AGTPBP1: variants seen among roughly 807,000 people sequenced by gnomAD.
The protein encoded by AGTPBP1 is cytosolic carboxypeptidase 1.
A neutral mutation model predicts 143.9 loss-of-function variants in AGTPBP1; 70 were observed. The observed-to-expected ratio is 0.49, with a 90% confidence interval of 0.40 to 0.59. The LOEUF is 0.59. Ranked by LOEUF, AGTPBP1 falls within the 20% of genes least tolerant of loss-of-function variation. The pLI, the probability that AGTPBP1 is intolerant of heterozygous loss-of-function variation, is 0.00. For synonymous variants in AGTPBP1, 463 were observed against 500.2 expected (o/e 0.93, Z 0.99); for missense variants, 1,229 against 1,464.5 (o/e 0.84, Z 2.62).
In AGTPBP1 at chr9:85,595,359, A is replaced by C. The variant is rs145114279; in HGVS notation, c.2423+1003T>G. Among the ~76,000 whole-genome samples, 313 of 152,346 alleles carry C rather than the reference A, an allele frequency of 2.1e-3. 1 individual carries two copies. The highest frequency in any genetic ancestry group is 6.3e-3 in the African/African-American group (261 of 41,588). On this transcript the variant is annotated intron_variant, in intron 18 of 25. Coordinates refer to ENST00000357081, the MANE Select transcript of AGTPBP1 (RefSeq NM_001330701.2). ...GATTGAACTTAGTAACAAATAAACA[A>C]GGGTGCCAAGTGGAATCAACAGTGA...
At position 85,647,680 on chromosome 9, in the gene AGTPBP1, G is replaced by A. The variant is rs35846059; in HGVS notation, c.1088-1262C>T. Among the ~76,000 whole-genome samples the A allele has an allele frequency of 7.9e-3, 1,203 of 152,310 alleles. 8 individuals carry two copies. Among genetic ancestry groups the A allele is most frequent in the Non-Finnish European group, 0.013 (886 of 68,022 alleles). On this transcript the variant is annotated intron_variant, in intron 11 of 25. Transcript: ENST00000357081. The stretch of plus-strand genomic sequence containing the variant: ...ATGCTGACCACTTCACAGAATAGGT[G>A]ATATTTAAGCAGTATCTTGTAGAAA...
At chr9:85,695,091 T>C (rs10746767) in intron 2 of AGTPBP1, among the ~76,000 whole-genome samples, 37,711 of 152,010 alleles carry the variant, frequency 0.25, 5,316 homozygotes, top group East Asian at 0.53. Context: ...ATAACCCATT[T>C]CCACACAGTA....
At chr9:85,730,567 G>C (rs1382606904) in intron 1 of AGTPBP1, among the ~76,000 whole-genome samples, 2 of 152,130 alleles carry the variant, frequency 1.3e-5, no homozygotes, top group African/African-American at 2.4e-5. Context: ...TTGTAGTAGA[G>C]GTCTCTGATG....
At chr9:85,650,776 A>G (rs1833116120) in intron 11 of AGTPBP1, among the ~76,000 whole-genome samples, 2 of 152,036 alleles carry the variant, frequency 1.3e-5, no homozygotes, top group Non-Finnish European at 2.9e-5. Flanking sequence ...AACCACCAAC[A>G]CTGTTTCTAC....
At chr9:85,725,229 G>C (rs1195786844) in intron 1 of AGTPBP1, among the ~76,000 whole-genome samples, 4 of 152,098 alleles carry the variant, frequency 2.6e-5, no homozygotes, top group African/African-American at 4.8e-5. Context: ...GTAAGGCAGG[G>C]ATTCTCAACC....
chr9:85,789,306 C>T, the AGTPBP1 span, among the ~76,000 whole-genome samples: 9,820 of 152,126 alleles, frequency 0.065, 406 homozygotes, highest in Non-Finnish European at 0.095. Flanking sequence ...AATTAAACAC[C>T]TACCCAAGGC....
At chr9:85,697,438 G>GT (rs1178612831) in intron 2 of AGTPBP1, among the ~76,000 whole-genome samples, 134 of 83,816 alleles carry the variant, frequency 1.6e-3, no homozygotes, top group African/African-American at 3.1e-3. Context: ...GTCTTAATTT[G>GT]TTTTTTGTTT....
At chr9:85,705,650 T>C (rs1408188874) in intron 2 of AGTPBP1, among the ~76,000 whole-genome samples, 1 of 152,172 alleles carries the variant, frequency 6.6e-6, no homozygotes, top group South Asian at 2.1e-4. Flanking sequence ...AGTAAGCGTA[T>C]GACAAACAGC....
At chr9:85,592,315 A>G (rs1460591399) in intron 19 of AGTPBP1, among the ~76,000 whole-genome samples, 1 of 152,038 alleles carries the variant, frequency 6.6e-6, no homozygotes, top group Non-Finnish European at 1.5e-5. Flanking sequence ...TCCTCAAGAA[A>G]TACTGTAGTA....
At chr9:85,638,317 TAC>T (rs1029120293) in intron 13 of AGTPBP1, among the ~76,000 whole-genome samples, 1 of 151,994 alleles carries the variant, frequency 6.6e-6, no homozygotes, top group Non-Finnish European at 1.5e-5. Context: ...TTTAAATGGA[TAC>T]AGTTTATGTA....
chr9:85,714,907 T>A (rs948280126), intron 1 of AGTPBP1, among the ~76,000 whole-genome samples: 8 of 151,966 alleles, frequency 5.3e-5, no homozygotes, highest in African/African-American at 1.9e-4. Context: ...GACAACGTGG[T>A]GTAATGCCTA....
chr9:85,686,814 G>A (rs1205752147), intron 3 of AGTPBP1, among the ~76,000 whole-genome samples: 1 of 152,052 alleles, frequency 6.6e-6, no homozygotes, highest in Non-Finnish European at 1.5e-5. Context: ...ATTTCTTTAA[G>A]TTAGATAACA....
the AGTPBP1 span, among the ~76,000 whole-genome samples, chr9:85,750,070 G>C: frequency 1.9e-4 from 29 of 152,062 alleles, no homozygotes; most frequent in Admixed American, 3.9e-4. Flanking sequence ...TTTTAATAGA[G>C]ACAGGGTTTC....
Position 85,548,674 on chromosome 9 carries a change from T to G in AGTPBP1, c.3504-1388A>C, listed in dbSNP as rs1378248067. Among the ~76,000 whole-genome samples the G allele has an allele frequency of 7.6e-5, 11 of 145,288 alleles. No homozygotes were observed. In the East Asian group the frequency reaches 2.0e-3, roughly 26 times the overall value. ...TGATTATTTGGCTTTGGTTTTTTTT[T>G]GTTTTTGTTTTTGTTTTTTGAGACA... On this transcript the variant is annotated intron_variant, in intron 25 of 25. Coordinates refer to ENST00000357081, the MANE Select transcript of AGTPBP1 (RefSeq NM_001330701.2).
At chr9:85,678,550 G>A in intron 4 of AGTPBP1, 152 bp from the exon 5 acceptor site, 1 of 429,242 alleles carries the variant, frequency 2.3e-6, no homozygotes. Context: ...ATTTCCGTCT[G>A]TTTCCTTCTG....
intron 18 of AGTPBP1, among the ~76,000 whole-genome samples, chr9:85,593,522 T>C (rs915104257): frequency 6.6e-6 from 1 of 152,214 alleles, no homozygotes; most frequent in African/African-American, 2.4e-5. Context: ...GGATATTTCA[T>C]CACAGTAAGA....
chr9:85,572,002 GTGTTTTTT>G (rs1827503952), intron 25 of AGTPBP1, among the ~76,000 whole-genome samples: 18 of 85,308 alleles, frequency 2.1e-4, no homozygotes, highest in African/African-American at 6.2e-4. Context: ...TTGTTTGTGT[GTGTTTTTT>G]TTTTTTTTTT....
chr9:85,690,620 C>G (rs1478835354), intron 3 of AGTPBP1, among the ~76,000 whole-genome samples: 1 of 150,312 alleles, frequency 6.7e-6, no homozygotes, highest in Non-Finnish European at 1.5e-5. Context: ...GAAAGTCATT[C>G]TCTGACAGCG....
At chr9:85,783,821 G>T in the AGTPBP1 span, among the ~76,000 whole-genome samples, 8 of 151,996 alleles carry the variant, frequency 5.3e-5, no homozygotes, top group Non-Finnish European at 2.9e-5. Flanking sequence ...TTTTAGTAGA[G>T]ACCATGTCGG....
Sources: gnomAD v4.1 joint callset for allele counts (sites outside exome capture counted in the v4.1 genomes callset) on GRCh38, gnomAD v4.1.1 for gene constraint, MANE v1.5 for transcripts, NCBI Gene and HGNC (gene_info 2026-07-23, HGNC 2026-07-21) for gene names.